GABRB1: variants seen among roughly 807,000 people sequenced by gnomAD.
GABRB1 encodes gamma-aminobutyric acid receptor subunit beta-1.
A neutral mutation model predicts 51.6 loss-of-function variants in GABRB1; 17 were observed. The ratio of observed to expected loss-of-function variants is 0.33; its 90% CI spans 0.23 to 0.49. The LOEUF (loss-of-function observed/expected upper bound fraction) is 0.49, where lower values mean the gene tolerates loss of function less well. GABRB1 is among the 20% of genes least tolerant of loss of function. The pLI, the probability that GABRB1 is intolerant of heterozygous loss-of-function variation, is 0.99. For synonymous variants in GABRB1, 247 were observed against 218.9 expected, an observed-to-expected ratio of 1.13 and a Z score of -1.14; for missense variants, 410 against 600.6, an observed-to-expected ratio of 0.68 and a Z score of 3.32.
Position 47,249,162 on chromosome 4 carries a change from T to C in GABRB1, c.462-70965T>C, listed in dbSNP as rs916135191. Among the ~76,000 whole-genome samples the C allele has an allele frequency of 9.2e-5, 14 of 152,254 alleles. 1 individual carries two copies. Among genetic ancestry groups the C allele is most frequent in the Admixed American group, 7.2e-4 (11 of 15,288 alleles). ...AGGCATTTAGGGATATGAACTTTCC[T>C]CTTAGTACCACCTTTGCTGTATTCT... On this transcript the variant is annotated intron_variant, in intron 4 of 8. Transcript: ENST00000295454.
chr4:47,211,141 A>AT (rs954704251), intron 4 of GABRB1, among the ~76,000 whole-genome samples: 2 of 152,016 alleles, frequency 1.3e-5, no homozygotes, highest in African/African-American at 4.8e-5. Flanking sequence ...GCCTTTTTAT[A>AT]TTTTTTATGA....
chr4:47,380,152 T>C (rs993200986), intron 5 of GABRB1, among the ~76,000 whole-genome samples: 4 of 152,250 alleles, frequency 2.6e-5, no homozygotes, highest in African/African-American at 9.6e-5. Context: ...CTTAATATAA[T>C]AATTTCTCTG....
At chr4:47,241,945 G>T (rs965103320) in intron 4 of GABRB1, among the ~76,000 whole-genome samples, 12 of 151,900 alleles carry the variant, frequency 7.9e-5, no homozygotes, top group Non-Finnish European at 1.5e-4. Flanking sequence ...ATGCAGGTTT[G>T]TTACATATGT....
intron 1 of GABRB1, among the ~76,000 whole-genome samples, chr4:47,015,056 G>T (rs1382980136): frequency 6.6e-6 from 1 of 152,052 alleles, no homozygotes; most frequent in African/African-American, 2.4e-5. Flanking sequence ...ACAGGCACAC[G>T]CCACCACACC....
At chr4:47,072,181 C>T (rs1727366856) in intron 3 of GABRB1, among the ~76,000 whole-genome samples, 1 of 152,102 alleles carries the variant, frequency 6.6e-6, no homozygotes, top group South Asian at 2.1e-4. Flanking sequence ...CTTTGACTCT[C>T]AAGTATATTT....
intron 3 of GABRB1, among the ~76,000 whole-genome samples, chr4:47,134,499 T>C (rs951926586): frequency 6.6e-6 from 1 of 152,048 alleles, no homozygotes; most frequent in Non-Finnish European, 1.5e-5. Context: ...GAGAGGAAAA[T>C]GATGGATGCC....
intron 4 of GABRB1, among the ~76,000 whole-genome samples, chr4:47,203,167 G>T (rs1719957136): frequency 6.6e-6 from 1 of 152,280 alleles, no homozygotes; most frequent in East Asian, 1.9e-4. Flanking sequence ...CAGCCACTTT[G>T]CTTGGGATAA....
chr4:47,154,390 T>G (rs1279498149), intron 3 of GABRB1, among the ~76,000 whole-genome samples: 1 of 151,908 alleles, frequency 6.6e-6, no homozygotes, highest in Admixed American at 6.6e-5. Flanking sequence ...CAAGTAAATA[T>G]GTATTTCTTC....
At chr4:47,075,716 A>T (rs1247347299) in intron 3 of GABRB1, among the ~76,000 whole-genome samples, 1 of 152,224 alleles carries the variant, frequency 6.6e-6, no homozygotes, top group Non-Finnish European at 1.5e-5. Context: ...ATCATACAAA[A>T]TATTAGAAAA....
chr4:47,146,901 T>C (rs1396904279), intron 3 of GABRB1, among the ~76,000 whole-genome samples: 2 of 152,080 alleles, frequency 1.3e-5, no homozygotes, highest in East Asian at 3.9e-4. Context: ...ACTTTTAATG[T>C]CATAAAGAGA....
chr4:47,370,462 G>A (rs1015237278), intron 5 of GABRB1, among the ~76,000 whole-genome samples: 1 of 150,524 alleles, frequency 6.6e-6, no homozygotes, highest in African/African-American at 2.5e-5. Context: ...ATTCCAGCCT[G>A]GGCGACAGGA....
intron 4 of GABRB1, among the ~76,000 whole-genome samples, chr4:47,249,842 G>A (rs2109861648): frequency 6.6e-6 from 1 of 152,214 alleles, no homozygotes; most frequent in South Asian, 2.1e-4. Flanking sequence ...TGAGTCTCCT[G>A]AAGGCAGCAG....
At chr4:47,164,862 C>A (rs1377906987) in intron 4 of GABRB1, among the ~76,000 whole-genome samples, 1 of 152,072 alleles carries the variant, frequency 6.6e-6, no homozygotes, top group Non-Finnish European at 1.5e-5. Flanking sequence ...AACCAGGCTA[C>A]TATGCAACAG....
chr4:47,310,540 A>G (rs1724631929), intron 4 of GABRB1, among the ~76,000 whole-genome samples: 1 of 152,216 alleles, frequency 6.6e-6, no homozygotes, highest in Non-Finnish European at 1.5e-5. Flanking sequence ...ATGTTACTGA[A>G]GCAAATCTTC....
At chr4:47,004,071 C>T (rs574890985) in intron 1 of GABRB1, among the ~76,000 whole-genome samples, 2 of 152,054 alleles carry the variant, frequency 1.3e-5, no homozygotes, top group Admixed American at 6.6e-5. Flanking sequence ...CTCATGCAAC[C>T]GCCACCTCCT....
chr4:47,006,886 G>A (rs1724418205), intron 1 of GABRB1, among the ~76,000 whole-genome samples: 1 of 152,170 alleles, frequency 6.6e-6, no homozygotes, highest in Admixed American at 6.5e-5. Context: ...TGGGGATGGT[G>A]GCTCAAGCCT....
rs116241468 is a variant in GABRB1, at chr4:47,281,373, G to A, written c.462-38754G>A. 8.0e-3 allele frequency among the ~76,000 whole-genome samples: 1,216 copies of A among 152,232 alleles called. 14 individuals are homozygous for A. Among genetic ancestry groups the A allele is most frequent in the African/African-American group, 0.028 (1,144 of 41,556 alleles). ...TGACCTCATGCTTATTAGAATGGCT[G>A]TTATAAAAAAGACAAATGATAATAT... On this transcript the variant is annotated intron_variant, in intron 4 of 8. Transcript: ENST00000295454.
At chr4:46,996,132 A>G (rs1051762773) in intron 1 of GABRB1, among the ~76,000 whole-genome samples, 11 of 151,626 alleles carry the variant, frequency 7.3e-5, no homozygotes, top group African/African-American at 2.7e-4. Context: ...TAACTTATGA[A>G]TATAAATATG....
intron 3 of GABRB1, among the ~76,000 whole-genome samples, chr4:47,074,647 G>T (rs912955610): frequency 4.6e-5 from 7 of 152,112 alleles, no homozygotes; most frequent in Admixed American, 4.6e-4. Context: ...ACTAGGACAT[G>T]CACAACATGC....
Sources: gnomAD v4.1 joint callset for allele counts (sites outside exome capture counted in the v4.1 genomes callset) on GRCh38, gnomAD v4.1.1 for gene constraint, MANE v1.5 for transcripts, NCBI Gene and HGNC (gene_info 2026-07-23, HGNC 2026-07-21) for gene names.